MAP3K20: variants seen among roughly 807,000 people sequenced by gnomAD.
MAP3K20 encodes the protein mitogen-activated protein kinase kinase kinase 20, also known as HCCS-4.
Under a neutral mutation model 85.7 loss-of-function variants are expected in MAP3K20, and 40 were observed. That is an observed-to-expected ratio of 0.47 (90% CI 0.36 to 0.61). The LOEUF is 0.61. Among genes scored for constraint, MAP3K20 ranks in the 20% least tolerant of loss-of-function variants. MAP3K20 has a pLI of 0.00. For synonymous variants in MAP3K20, 325 were observed against 327.7 expected (o/e 0.99, Z 0.09); for missense variants, 817 against 961.7 (o/e 0.85, Z 1.99).
At chr2:173,260,959 C>A in intron 17 of MAP3K20, 104 bp from the exon 18 acceptor site, 1 of 873,888 alleles carries the variant, frequency 1.1e-6, no homozygotes, top group Non-Finnish European at 1.8e-6. Context: ...TGATATTATG[C>A]CCCTATTTGC....
At chr2:173,199,282 C>T (rs1690955155) in intron 8 of MAP3K20, among the ~76,000 whole-genome samples, 1 of 152,142 alleles carries the variant, frequency 6.6e-6, no homozygotes, top group Admixed American at 6.5e-5. Context: ...CCTCCTGATT[C>T]ATTGGGAGTG....
intron 2 of MAP3K20, among the ~76,000 whole-genome samples, chr2:173,133,402 G>A (rs1688672042): frequency 6.6e-6 from 1 of 152,180 alleles, no homozygotes; most frequent in Non-Finnish European, 1.5e-5. Context: ...GAGAGTAGAT[G>A]CCAGAGTTTG....
Position 173,209,815 on chromosome 2 carries a change from A to T in MAP3K20, c.831A>T (p.Leu277=). ...TSLPDKCNSF[L]HNKAEWRCEI... is the part of the protein sequence containing the mutation. Reference sequence around the variant, plus strand: ...TTCCTGACAAGTGTAACTCATTCCTACACAACAAGGCGGAGTGGAGGTGGG... The same window carrying T: ...TTCCTGACAAGTGTAACTCATTCCTTCACAACAAGGCGGAGTGGAGGTGGG... The change falls in exon 10 of 20, where the codon CTA becomes CTT. Residue 277 remains leucine (L), a synonymous_variant. Transcript: ENST00000375213. The T allele has an allele frequency of 6.2e-7, 1 of 1,614,152 alleles. No individual in the cohort carries two copies. Among genetic ancestry groups the T allele is most frequent in the Non-Finnish European group, 8.5e-7 (1 of 1,180,008 alleles).
At chr2:173,228,187 T>C (rs1197747490) in intron 11 of MAP3K20, among the ~76,000 whole-genome samples, 1 of 152,220 alleles carries the variant, frequency 6.6e-6, no homozygotes, top group Non-Finnish European at 1.5e-5. Context: ...CTATAAATAC[T>C]CAAACCTAAA....
chr2:173,129,467 A>C (rs1228268484), intron 2 of MAP3K20, among the ~76,000 whole-genome samples: 1 of 152,196 alleles, frequency 6.6e-6, no homozygotes, highest in African/African-American at 2.4e-5. Flanking sequence ...CACCAATTGT[A>C]ATACAGCCCC....
chr2:173,167,419 T>C (rs933728848), intron 2 of MAP3K20, among the ~76,000 whole-genome samples: 1 of 152,098 alleles, frequency 6.6e-6, no homozygotes, highest in African/African-American at 2.4e-5. Context: ...ACATATCACT[T>C]ACTTATTCAG....
At chr2:173,110,700 A>G (rs1011400640) in intron 2 of MAP3K20, among the ~76,000 whole-genome samples, 4 of 152,056 alleles carry the variant, frequency 2.6e-5, no homozygotes, top group African/African-American at 7.3e-5. Flanking sequence ...GAGTTACTTC[A>G]CTTAGAATAA....
rs112889653 is a variant in MAP3K20 at position 173,266,255 on chromosome 2, G to A, written c.1908G>A (p.Ser636=). 18 of 1,614,114 alleles carry A rather than the reference G, an allele frequency of 1.1e-5. No homozygotes were observed. Among genetic ancestry groups the A allele is most frequent in the African/African-American group, 4.0e-5 (3 of 75,022 alleles). The change falls in exon 20 of 20, where the codon TCG becomes TCA. Residue 636 remains serine (S), a synonymous_variant. Transcript: ENST00000375213. ...QITPVNQSRS[S]SPTQYGLTKN... is the part of the protein sequence containing the mutation. ...CACCTGTGAACCAGTCCAGAAGCTC[G>A]TCTCCTACTCAGTATGGACTGACCA...
intron 2 of MAP3K20, among the ~76,000 whole-genome samples, chr2:173,133,561 A>G (rs547526099): frequency 6.6e-6 from 1 of 152,310 alleles, no homozygotes; most frequent in African/African-American, 2.4e-5. Flanking sequence ...GCTGTATAAC[A>G]TTATAGTATG....
intron 2 of MAP3K20, among the ~76,000 whole-genome samples, chr2:173,107,063 A>G (rs944953987): frequency 1.3e-5 from 2 of 152,216 alleles, no homozygotes; most frequent in Non-Finnish European, 2.9e-5. Context: ...ACAAAGTGAC[A>G]GTGAGCTGGG....
chr2:173,254,296 C>T (rs576908354), intron 16 of MAP3K20, among the ~76,000 whole-genome samples: 19 of 151,572 alleles, frequency 1.3e-4, no homozygotes, highest in African/African-American at 4.4e-4. Flanking sequence ...GGCGTGGTGG[C>T]GGGCGCCTGT....
intron 2 of MAP3K20, among the ~76,000 whole-genome samples, chr2:173,144,481 A>AAAAAAAAAAAAAAAAAAG (rs1689077735): frequency 7.2e-6 from 1 of 138,936 alleles, no homozygotes. Flanking sequence ...AAAAAAAAAA[A>AAAAAAAAAAAAAAAAAAG]AAAAGAAAAG....
chr2:173,179,784 T>G (rs1277643133), intron 3 of MAP3K20, among the ~76,000 whole-genome samples: 2 of 151,260 alleles, frequency 1.3e-5, no homozygotes, highest in Non-Finnish European at 2.9e-5. Flanking sequence ...GGTCACAGGA[T>G]GCAAGATCAG....
At chr2:173,209,887 T>C in intron 10 of MAP3K20, 52 bp downstream of exon 10, 1 of 1,448,516 alleles carries the variant, frequency 6.9e-7, no homozygotes, top group South Asian at 1.1e-5. Context: ...AGACCATCAC[T>C]CGTCTCAATG....
chr2:173,076,286 G>A (rs6746656), intron 1 of MAP3K20, among the ~76,000 whole-genome samples: 82,088 of 151,794 alleles, frequency 0.54, 23,437 homozygotes, highest in East Asian at 0.88. Flanking sequence ...AGTTCGGGCC[G>A]GTCCCATGGA....
At chr2:173,125,059 T>C (rs753807152) in intron 2 of MAP3K20, among the ~76,000 whole-genome samples, 4 of 152,182 alleles carry the variant, frequency 2.6e-5, no homozygotes, top group Non-Finnish European at 5.9e-5. Context: ...AGGGTCCAGC[T>C]CAAGTACCAC....
intron 18 of MAP3K20, 64 bp downstream of exon 18, chr2:173,261,201 TATCTC>T (rs1429936298): frequency 6.5e-7 from 1 of 1,529,786 alleles, no homozygotes; most frequent in Non-Finnish European, 9.0e-7. Flanking sequence ...ATTTATCTGT[TATCTC>T]AGAGCATATA....
At chr2:173,199,981 A>G (rs541616350) in intron 8 of MAP3K20, among the ~76,000 whole-genome samples, 2 of 152,184 alleles carry the variant, frequency 1.3e-5, no homozygotes, top group African/African-American at 4.8e-5. Context: ...AGTAGAGTTT[A>G]CTATTTTATT....
At chr2:173,237,960 G>C (rs1309536823) in intron 14 of MAP3K20, among the ~76,000 whole-genome samples, 1 of 152,164 alleles carries the variant, frequency 6.6e-6, no homozygotes, top group African/African-American at 2.4e-5. Context: ...TTCAAGACCA[G>C]CCTGGGCCAC....
Sources: allele counts gnomAD v4.1 joint callset (sites outside exome capture counted in the v4.1 genomes callset), GRCh38; gene constraint gnomAD v4.1.1; transcripts MANE v1.5; gene names NCBI Gene and HGNC (gene_info 2026-07-23, HGNC 2026-07-21).